The following PSD3 variants were observed in gnomAD, a reference collection of about 807,000 sequenced individuals.
The protein encoded by PSD3 is pleckstrin and Sec7 domain containing 3.
PSD3 carries 49 observed loss-of-function variants against 105.5 expected under a neutral mutation model. That is an observed-to-expected ratio of 0.46 (90% CI 0.37 to 0.59). The LOEUF (loss-of-function observed/expected upper bound fraction) is 0.59. Ranked by LOEUF, PSD3 falls within the 20% of genes least tolerant of loss-of-function variation. The pLI is 0.00. For missense variants in PSD3, 1,561 were observed against 1,263.8 expected (o/e 1.24, Z -3.57); for synonymous variants, 557 against 457.8 (o/e 1.22, Z -2.77).
chr8:18,977,006 G>A (rs1824977305), intron 1 of PSD3, among the ~76,000 whole-genome samples: 1 of 152,028 alleles, frequency 6.6e-6, no homozygotes, highest in African/African-American at 2.4e-5. Context: ...AAAGTCTAAC[G>A]GTATGAGTGT....
chr8:18,673,202 C>CCA (rs139648260), intron 9 of PSD3, among the ~76,000 whole-genome samples: 203 of 142,670 alleles, frequency 1.4e-3, no homozygotes, highest in Middle Eastern at 3.4e-3. Flanking sequence ...ACACACCCAT[C>CCA]CACACACACA....
intron 1 of PSD3, among the ~76,000 whole-genome samples, chr8:18,971,368 T>C (rs550316714): frequency 1.1e-4 from 16 of 152,022 alleles, no homozygotes; most frequent in African/African-American, 3.6e-4. Flanking sequence ...CAGTGGACAG[T>C]CCCCTCCCAT....
At chr8:18,616,621 TTCTTTTC>T (rs1249310533) in intron 11 of PSD3, among the ~76,000 whole-genome samples, 40 of 55,550 alleles carry the variant, frequency 7.2e-4, no homozygotes, top group African/African-American at 2.4e-3. Flanking sequence ...TTCCTCTCTT[TTCTTTTC>T]TTTTTTTTTT....
intron 4 of PSD3, among the ~76,000 whole-genome samples, chr8:18,835,923 C>T (rs1490414470): frequency 6.6e-6 from 1 of 151,782 alleles, no homozygotes; most frequent in African/African-American, 2.4e-5. Context: ...ATGGTAAAGG[C>T]TCTGGCTTTG....
At position 18,872,303 on chromosome 8, in the gene PSD3, G is replaced by A. The variant is rs201261233; in HGVS notation, c.561C>T (p.Leu187=). 9 of 1,614,162 alleles carry A rather than the reference G, an allele frequency of 5.6e-6. No individual in the cohort carries two copies. Among genetic ancestry groups the A allele is most frequent in the Non-Finnish European group, 7.6e-6 (9 of 1,180,014 alleles). ...SRKTQRVNKT[L]PAGQKNLPEI... ...CTGGTAAATTTTTTTGGCCAGCAGG[G>A]AGCGTTTTGTTGACTCTCTGTGTTT... The change falls in exon 3 of 16, where the codon CTC becomes CTT. Residue 187 remains leucine (L), a synonymous_variant. Transcript: ENST00000327040.
intron 2 of PSD3, among the ~76,000 whole-genome samples, chr8:18,915,935 A>G (rs1037932223): frequency 1.3e-5 from 2 of 152,112 alleles, no homozygotes; most frequent in East Asian, 1.9e-4. Flanking sequence ...GTCTCTACTA[A>G]AAGTACAAAA....
At chr8:19,002,390 C>G (rs1826449723) in intron 1 of PSD3, among the ~76,000 whole-genome samples, 1 of 151,836 alleles carries the variant, frequency 6.6e-6, no homozygotes, top group Non-Finnish European at 1.5e-5. Context: ...TCTTACCGTT[C>G]CTATTATCGC....
At chr8:18,553,330 C>A (rs557645552) in intron 15 of PSD3, among the ~76,000 whole-genome samples, 2 of 151,808 alleles carry the variant, frequency 1.3e-5, no homozygotes, top group African/African-American at 4.8e-5. Flanking sequence ...CATCTGTGGG[C>A]TCCCACTGAA....
chr8:18,995,395 C>T (rs1826025193), intron 1 of PSD3, among the ~76,000 whole-genome samples: 1 of 152,172 alleles, frequency 6.6e-6, no homozygotes, highest in South Asian at 2.1e-4. Context: ...AGCGGAGATA[C>T]TGAAATGCTA....
intron 11 of PSD3, among the ~76,000 whole-genome samples, chr8:18,608,283 C>A (rs772305425): frequency 6.6e-6 from 1 of 152,162 alleles, no homozygotes; most frequent in South Asian, 2.1e-4. Context: ...AAGCACTGTT[C>A]CAGTCAGATT....
chr8:18,816,116 G>C (rs938758597), intron 4 of PSD3, among the ~76,000 whole-genome samples: 1 of 151,964 alleles, frequency 6.6e-6, no homozygotes, highest in South Asian at 2.1e-4. Context: ...GATTAACAGG[G>C]GACGTTTCCA....
intron 14 of PSD3, among the ~76,000 whole-genome samples, chr8:18,566,883 G>A (rs767583146): frequency 6.6e-6 from 1 of 152,162 alleles, no homozygotes; most frequent in Non-Finnish European, 1.5e-5. Context: ...TAAGTCATCT[G>A]TTAGAAATAA....
chr8:18,774,969 T>G, intron 8 of PSD3: 1 of 456,120 alleles, frequency 2.2e-6, no homozygotes, highest in Non-Finnish European at 4.4e-6. Flanking sequence ...AAGAGAAAAG[T>G]GCCCATTAAT....
chr8:18,840,675 C>A (rs981365846), intron 4 of PSD3, among the ~76,000 whole-genome samples: 5 of 152,152 alleles, frequency 3.3e-5, no homozygotes, highest in Admixed American at 6.5e-5. Context: ...AGTGGCAGAG[C>A]TGGAATGTGT....
intron 1 of PSD3, among the ~76,000 whole-genome samples, chr8:19,019,994 C>G (rs917743676): frequency 3.9e-5 from 6 of 152,068 alleles, no homozygotes; most frequent in African/African-American, 1.4e-4. Context: ...TCACCTTTCC[C>G]CCAAGACCCG....
chr8:19,033,069 T>C (rs80193215), intron 1 of PSD3, among the ~76,000 whole-genome samples: 2,387 of 151,864 alleles, frequency 0.016, 32 homozygotes, highest in Middle Eastern at 0.078. Context: ...AGACTGAACA[T>C]AGCAAGACCC....
At chr8:18,792,514 A>C (rs1809814640) in intron 8 of PSD3, among the ~76,000 whole-genome samples, 1 of 152,232 alleles carries the variant, frequency 6.6e-6, no homozygotes, top group South Asian at 2.1e-4. Context: ...CTGAATGATG[A>C]GAACACATGG....
intron 15 of PSD3, among the ~76,000 whole-genome samples, chr8:18,537,824 A>G (rs2129929880): frequency 6.6e-6 from 1 of 152,170 alleles, no homozygotes. Context: ...TTACAGGCGC[A>G]CACCACCACA....
chr8:18,617,979 C>G (rs1805821712), intron 11 of PSD3, among the ~76,000 whole-genome samples: 1 of 152,184 alleles, frequency 6.6e-6, no homozygotes, highest in Admixed American at 6.5e-5. Flanking sequence ...CTTGCTAAAT[C>G]TTTTCTGGAG....
Sources: gnomAD v4.1 joint callset for allele counts (sites outside exome capture counted in the v4.1 genomes callset) on GRCh38, gnomAD v4.1.1 for gene constraint, MANE v1.5 for transcripts, NCBI Gene and HGNC (gene_info 2026-07-23, HGNC 2026-07-21) for gene names.